The following RNF213 variants were observed in gnomAD, a reference collection of about 807,000 sequenced individuals.
RNF213 encodes ring finger protein 213, also known as E3 ubiquitin-protein ligase RNF213.
A neutral mutation model predicts 514.4 loss-of-function variants in RNF213; 341 were observed. That is an observed-to-expected ratio of 0.66 (90% CI 0.61 to 0.73). RNF213 has a LOEUF of 0.73. RNF213 is among the 30% of genes least tolerant of loss of function. The pLI, the probability that RNF213 is intolerant of heterozygous loss-of-function variation, is 0.00. For missense variants in RNF213, 5,767 were observed against 6,615.6 expected, an observed-to-expected ratio of 0.87 and a Z score of 4.45; for synonymous variants, 2,655 against 2,658.2, an observed-to-expected ratio of 1.00 and a Z score of 0.04.
rs1049635469 is a variant in RNF213 at position 80,396,536 on chromosome 17, G to A, written c.*3038G>A. 3 of 152,210 alleles carry A rather than the reference G, an allele frequency of 2.0e-5. No homozygotes were observed. The highest frequency in any genetic ancestry group is 7.2e-5 in the African/African-American group (3 of 41,454). The allele number at this position is 152,210 out of a possible 1,614,324, so 9.4% of individuals were successfully genotyped here. A position where few individuals can be genotyped will look rare whatever the true frequency, so the allele number is the denominator to read the frequency against. On this transcript the variant is annotated 3_prime_UTR_variant, in exon 68 of 68. Transcript: ENST00000582970. ...AAACACCTCTGATTTGATACATAAA[G>A]TGTGAAGGTTGCATAACTGGGGAGG... is the stretch of plus-strand genomic sequence containing the variant.
At chr17:80,336,474 TG>T in intron 23 of RNF213, 96 bp downstream of exon 23, 1 of 1,082,170 alleles carries the variant, frequency 9.2e-7, no homozygotes, top group Non-Finnish European at 1.4e-6. Context: ...CACACCTGTG[TG>T]GTAGGTTTGT....
At chr17:80,287,686 A>G (rs2044522142) in intron 3 of RNF213, 129 bp from the exon 4 acceptor site, 2 of 879,174 alleles carry the variant, frequency 2.3e-6, no homozygotes. Flanking sequence ...TGCAGATTTA[A>G]CAGATGTTAG....
chr17:80,387,902 CT>C (rs903387440), intron 63 of RNF213, among the ~76,000 whole-genome samples: 1 of 151,740 alleles, frequency 6.6e-6, no homozygotes, highest in Non-Finnish European at 1.5e-5. Context: ...ATCTACTGTA[CT>C]TATGTACGGT....
intron 39 of RNF213, 91 bp downstream of exon 39, chr17:80,361,979 G>GC: frequency 4.2e-6 from 6 of 1,425,926 alleles, no homozygotes; most frequent in Non-Finnish European, 5.9e-6. Flanking sequence ...CAGCTGCCTG[G>GC]AGCTGGTGCT....
At position 80,347,536 on chromosome 17, in the gene RNF213, G is replaced by T; in HGVS notation, c.9201G>T (p.Glu3067Asp). 1 of 1,614,128 alleles carries T rather than the reference G, an allele frequency of 6.2e-7. No individual in the cohort carries two copies. Among genetic ancestry groups the T allele is most frequent in the Non-Finnish European group, 8.5e-7 (1 of 1,180,040 alleles). The change falls in exon 29 of 68, where the codon GAG (glutamate) becomes GAT (aspartate). Residue 3067 changes from glutamate to aspartate, a missense_variant. Coordinates refer to ENST00000582970, the MANE Select transcript of RNF213 (RefSeq NM_001256071.3). The surrounding 1 kb of genome is among the most constrained non-coding windows in gnomAD (Gnocchi z 7.2). ...TCTTCGAGGGGGACCAGCAGCCGGA[G>T]ATTATTTTTGGTTCTGGTTTCCCCA... is the stretch of plus-strand genomic sequence containing the variant. ...QTFFEGDQQPEIIFGSGFPKD... is the reference protein window; with the variant it reads ...QTFFEGDQQPDIIFGSGFPKD...
chr17:80,309,678 T>C (rs1418797752), intron 14 of RNF213, among the ~76,000 whole-genome samples: 2 of 152,132 alleles, frequency 1.3e-5, no homozygotes, highest in Non-Finnish European at 2.9e-5. Flanking sequence ...CCAGGTCTGA[T>C]GGCAGGATGA....
In RNF213 at chr17:80,367,829, G is replaced by A. The variant is rs2079341603; in HGVS notation, c.11953G>A (p.Ala3985Thr). ...MRTLCECKET[A>T]SKTLSRFGIQ... ...CACTCTCTGTGAATGCAAGGAGACA[G>A]CCAGCAAGACCCTCAGCAGGTGAGA... Residue 3985 changes from alanine to threonine, a missense_variant, in exon 43 of 68, where the codon GCC (alanine) becomes ACC (threonine). By Grantham distance (58) the Ala-to-Thr change is moderately conservative. Around this residue, in one of 13 missense-constraint regions of RNF213, gnomAD observed 355 missense variants for 358.0 expected, o/e 0.99. Transcript: ENST00000582970. The A allele has an allele frequency of 6.2e-7, 1 of 1,614,144 alleles. No individual in the cohort carries two copies. Among genetic ancestry groups the A allele is most frequent in the South Asian group, 1.1e-5 (1 of 91,096 alleles).
chr17:80,319,991 G>A (rs2046085035), intron 17 of RNF213: 2 of 1,025,870 alleles, frequency 1.9e-6, no homozygotes, highest in African/African-American at 1.7e-5. Flanking sequence ...CTTTGATAAG[G>A]TTTTCCTTTC....
chr17:80,386,209 T>G, intron 61 of RNF213, 41 bp from the exon 62 acceptor site: 1 of 1,590,478 alleles, frequency 6.3e-7, no homozygotes, highest in Non-Finnish European at 8.5e-7. Context: ...TGTGAGGAGT[T>G]GGAACTCCTC....
intron 10 of RNF213, among the ~76,000 whole-genome samples, chr17:80,297,351 G>T (rs1232714948): frequency 1.3e-5 from 2 of 151,820 alleles, no homozygotes; most frequent in Non-Finnish European, 2.9e-5. Flanking sequence ...TCAGGAGGCT[G>T]AGGCAGGAGA....
chr17:80,386,124 G>A (rs1353720110), intron 61 of RNF213, 126 bp from the exon 62 acceptor site: 2 of 871,228 alleles, frequency 2.3e-6, no homozygotes, highest in South Asian at 2.8e-5. Context: ...ATGAGATGGG[G>A]CAGAACCGAG....
chr17:80,386,914 C>T, intron 63 of RNF213, 23 bp downstream of exon 63: 1 of 1,595,726 alleles, frequency 6.3e-7, no homozygotes, highest in Non-Finnish European at 8.5e-7. Flanking sequence ...CCTGCCACTG[C>T]TGCTCATTTG....
At position 80,339,645 on chromosome 17, in the gene RNF213, G is replaced by C; in HGVS notation, c.5278G>C (p.Val1760Leu). ...GGCCGCCAGGTACCGCATGAGGAGAGTCATGGAAGAGCTCCCGCTGATGCT... is the reference window on the plus strand; with the variant it reads ...GGCCGCCAGGTACCGCATGAGGAGACTCATGGAAGAGCTCCCGCTGATGCT... ...SEAARYRMRRVMEELPLMLLS... is the reference protein window; with the variant it reads ...SEAARYRMRRLMEELPLMLLS... The change falls in exon 26 of 68, where the codon GTC becomes CTC. Residue 1760 changes from valine (V) to leucine (L), a missense_variant. Coordinates refer to ENST00000582970, the MANE Select transcript of RNF213 (RefSeq NM_001256071.3). The C allele has an allele frequency of 1.3e-6, 2 of 1,537,202 alleles. No individual in the cohort carries two copies. Among genetic ancestry groups the C allele is most frequent in the Non-Finnish European group, 1.7e-6 (2 of 1,146,882 alleles).
At chr17:80,301,279 G>A (rs1425329015) in intron 11 of RNF213, among the ~76,000 whole-genome samples, 1 of 152,186 alleles carries the variant, frequency 6.6e-6, no homozygotes, top group African/African-American at 2.4e-5. Context: ...TTATGGAGAA[G>A]TCCTTAAAAG....
intron 20 of RNF213, 144 bp downstream of exon 20, chr17:80,328,621 C>A: frequency 2.9e-6 from 2 of 679,912 alleles, no homozygotes; most frequent in South Asian, 4.9e-5. Context: ...CTGGGGGGAT[C>A]GCTTTCACCT....
At position 80,396,838 on chromosome 17, in the gene RNF213, C is replaced by G. The variant is rs550447803; in HGVS notation, c.*3340C>G. On this transcript the variant is annotated 3_prime_UTR_variant, in exon 68 of 68. Coordinates refer to ENST00000582970, the MANE Select transcript of RNF213 (RefSeq NM_001256071.3). ...CCTTTTGAGGAGGTGGGGGTGTATG[C>G]GAAAGCAACCTGGGGCCAAAGCAGG... is the stretch of plus-strand genomic sequence containing the variant. The G allele has an allele frequency of 6.9e-6, 1 of 144,490 alleles. No homozygotes were observed. The highest frequency in any genetic ancestry group is 1.5e-5 in the Non-Finnish European group (1 of 67,278). 9.0% of individuals were successfully genotyped at this position (144,490 alleles called of 1,614,324 possible). A position where few individuals can be genotyped will look rare whatever the true frequency, so the allele number is the denominator to read the frequency against.
intron 2 of RNF213, among the ~76,000 whole-genome samples, chr17:80,265,047 T>TGTTG: frequency 6.8e-6 from 1 of 147,090 alleles, no homozygotes; most frequent in East Asian, 2.0e-4. Context: ...TTTGTTTGTT[T>TGTTG]TTTTTTTTTT....
At chr17:80,388,276 C>A (rs2080318564) in intron 63 of RNF213, among the ~76,000 whole-genome samples, 1 of 152,198 alleles carries the variant, frequency 6.6e-6, no homozygotes, top group Non-Finnish European at 1.5e-5. Flanking sequence ...AGAGTGACTG[C>A]CTGTGCATGG....
chr17:80,344,625 C>T, intron 28 of RNF213, 53 bp from the exon 29 acceptor site: 1 of 1,602,836 alleles, frequency 6.2e-7, no homozygotes, highest in Non-Finnish European at 8.5e-7. Flanking sequence ...GACACAAAAG[C>T]ATTTCTTAGA....
Sources: gnomAD v4.1 joint callset for allele counts (sites outside exome capture counted in the v4.1 genomes callset) on GRCh38, gnomAD v4.1.1 for gene constraint, gnomAD v4.1.1 regional missense constraint, Gnocchi (gnomAD v3.1) non-coding constraint, MANE v1.5 for transcripts, NCBI Gene and HGNC (gene_info 2026-07-23, HGNC 2026-07-21) for gene names.